Variants in ARFGEF1 observed in about 807,000 individuals in gnomAD.
ARFGEF1 encodes the protein ARF guanine nucleotide exchange factor 1.
Under a neutral mutation model 231.0 loss-of-function variants are expected in ARFGEF1, and 42 were observed. The ratio of observed to expected loss-of-function variants is 0.18; its 90% confidence interval spans 0.14 to 0.24. The LOEUF (loss-of-function observed/expected upper bound fraction) is 0.24, where lower values mean the gene tolerates loss of function less well. Among genes scored for constraint, ARFGEF1 ranks in the 10% least tolerant of loss-of-function variants. The pLI, the probability that ARFGEF1 is intolerant of heterozygous loss-of-function variation, is 1.00. For missense variants in ARFGEF1, 1,345 were observed against 2,192.0 expected (o/e 0.61, Z 7.72); for synonymous variants, 710 against 732.3 (o/e 0.97, Z 0.49).
rs780443181 is a variant in ARFGEF1, at chr8:67,199,020, C to G, written c.5464G>C (p.Val1822Leu). The stretch of plus-strand genomic sequence containing the variant: ...ATTCGCAGAAAAAATCTTCTAAGAA[C>G]AGCACGAAGTTCAGGAATCAAGTCA... ...QFDLIPELRA[V>L]LRRFFLRIGV... Residue 1822 changes from valine (V) to leucine (L), a missense_variant, in exon 39 of 39, where the codon GTT becomes CTT. By Grantham distance (32) the Val-to-Leu change is conservative. Around this residue, in one of 14 missense-constraint regions of ARFGEF1, gnomAD observed 161 missense variants for 284.9 expected, o/e 0.57. Coordinates refer to ENST00000262215, the MANE Select transcript of ARFGEF1 (RefSeq NM_006421.5). 5.6e-6 allele frequency: 9 copies of G among 1,612,968 alleles called. No individual in the cohort carries two copies. Among genetic ancestry groups the G allele is most frequent in the Non-Finnish European group, 7.6e-6 (9 of 1,179,776 alleles).
chr8:67,289,560 A>C (rs1805913758), intron 6 of ARFGEF1, among the ~76,000 whole-genome samples: 1 of 146,216 alleles, frequency 6.8e-6, no homozygotes, highest in African/African-American at 2.6e-5. Context: ...AAAAAAAAAA[A>C]AAAAAAAAAA....
At chr8:67,334,448 T>C (rs752100716) in intron 1 of ARFGEF1, among the ~76,000 whole-genome samples, 29 of 152,136 alleles carry the variant, frequency 1.9e-4, no homozygotes, top group Non-Finnish European at 3.5e-4. Flanking sequence ...CAAATATTGG[T>C]GAGAATTTGA....
At chr8:67,329,634 T>G (rs2128932451) in intron 1 of ARFGEF1, among the ~76,000 whole-genome samples, 1 of 151,302 alleles carries the variant, frequency 6.6e-6, no homozygotes, top group African/African-American at 2.4e-5. Flanking sequence ...TTAAGAACAT[T>G]TAATTTCCAA....
At chr8:67,302,032 T>G (rs1214389101) in intron 2 of ARFGEF1, among the ~76,000 whole-genome samples, 1 of 151,938 alleles carries the variant, frequency 6.6e-6, no homozygotes, top group African/African-American at 2.4e-5. Flanking sequence ...TATGGCAGAA[T>G]CCCATCTCTA....
rs563102581 is a variant in ARFGEF1 at position 67,197,959 on chromosome 8, A to G, written c.*975T>C. On this transcript the variant is annotated 3_prime_UTR_variant, in exon 39 of 39. Coordinates refer to ENST00000262215, the MANE Select transcript of ARFGEF1 (RefSeq NM_006421.5). ...TTGTTATTTTAATATATTCAACGTT[A>G]AATTCTGTACATAGAGTAAAATCTA... 6.5e-5 allele frequency: 64 copies of G among 985,852 alleles called. No homozygotes were observed. The South Asian group carries it at 1.6e-3, about 25-fold the overall frequency. 61.1% of individuals were successfully genotyped at this position (985,852 alleles called of 1,614,324 possible). A position where few individuals can be genotyped will look rare whatever the true frequency, so the allele number is the denominator to read the frequency against.
chr8:67,192,066 GTTT>G (rs34907123), intron 5 of ARFGEF1, among the ~76,000 whole-genome samples: 30 of 129,864 alleles, frequency 2.3e-4, no homozygotes, highest in Non-Finnish European at 4.1e-4. Context: ...TTGCTGATTT[GTTT>G]TTTTTTTTGT....
intron 1 of ARFGEF1, among the ~76,000 whole-genome samples, chr8:67,308,389 G>A (rs1468402028): frequency 1.3e-5 from 2 of 152,166 alleles, no homozygotes; most frequent in Non-Finnish European, 2.9e-5. Context: ...GCTACCTAGA[G>A]GTACAAAAGG....
intron 29 of ARFGEF1, 145 bp from the exon 30 acceptor site, chr8:67,219,705 T>G (rs1032805290): frequency 1.2e-6 from 1 of 828,008 alleles, no homozygotes; most frequent in South Asian, 2.5e-5. Context: ...TTTAAAAAAT[T>G]TAAGTTGTAA....
intron 6 of ARFGEF1, among the ~76,000 whole-genome samples, 165 bp from the exon 7 acceptor site, chr8:67,288,230 T>C (rs186976922): frequency 6.6e-6 from 1 of 151,866 alleles, no homozygotes; most frequent in African/African-American, 2.4e-5. Context: ...TCAAAATGTA[T>C]ACCAAAACTT....
At chr8:67,193,732 A>G (rs531744487), downstream of ARFGEF1, 1 of 686,354 alleles carries the variant, frequency 1.5e-6, no homozygotes, top group East Asian at 2.9e-5. Context: ...GTATGGCCCA[A>G]GACATAGTAA....
chr8:67,175,528 A>G, exon 6 of ARFGEF1: 1 of 1,470,886 alleles, frequency 6.8e-7, no homozygotes, highest in Non-Finnish European at 9.4e-7. Context: ...ATTCCCAGGC[A>G]TCCTCCTTTC....
rs374524843 is a variant in ARFGEF1 at position 67,204,635 on chromosome 8, C to T, written c.4959+45G>A. 1.0e-5 allele frequency: 16 copies of T among 1,583,586 alleles called. No individual in the cohort carries two copies. The African/African-American group carries it at 2.0e-4, about 20-fold the overall frequency. Reference sequence around the variant, plus strand: ...CTACAGCCCAGACTGCTATACCTAACTTCCTACTTACACAAAAAAAGCAGC... The same window carrying T: ...CTACAGCCCAGACTGCTATACCTAATTTCCTACTTACACAAAAAAAGCAGC... On this transcript the variant is annotated intron_variant, in intron 35 of 38. Transcript: ENST00000262215.
chr8:67,248,568 T>C (rs1239688149), intron 19 of ARFGEF1, among the ~76,000 whole-genome samples: 2 of 150,498 alleles, frequency 1.3e-5, no homozygotes, highest in African/African-American at 5.0e-5. Context: ...CTCTAGGACA[T>C]TAAGCTGGGC....
At chr8:67,211,043 CAAAA>C (rs112619283) in intron 34 of ARFGEF1, among the ~76,000 whole-genome samples, 1 of 87,970 alleles carries the variant, frequency 1.1e-5, no homozygotes, top group African/African-American at 4.1e-5. Context: ...GACTCCGTCT[CAAAA>C]AAAAAAAAAA....
intron 7 of ARFGEF1, among the ~76,000 whole-genome samples, chr8:67,281,350 T>C (rs921814376): frequency 3.9e-5 from 6 of 151,996 alleles, no homozygotes; most frequent in Non-Finnish European, 8.8e-5. Flanking sequence ...AAAAATCAAC[T>C]GCTACTCCTG....
intron 34 of ARFGEF1, 147 bp from the exon 35 acceptor site, chr8:67,204,966 C>T (rs1490227422): frequency 3.3e-6 from 3 of 916,192 alleles, no homozygotes; most frequent in Admixed American, 5.6e-5. Flanking sequence ...CACACAGGCA[C>T]TACTCAGTAA....
intron 17 of ARFGEF1, among the ~76,000 whole-genome samples, chr8:67,255,145 A>T (rs974929711): frequency 1.3e-5 from 2 of 152,234 alleles, no homozygotes; most frequent in African/African-American, 2.4e-5. Flanking sequence ...TGGGTTAGGG[A>T]TCCCATACGT....
At chr8:67,334,876 A>C (rs1276981410) in intron 1 of ARFGEF1, among the ~76,000 whole-genome samples, 2 of 152,206 alleles carry the variant, frequency 1.3e-5, no homozygotes, top group African/African-American at 4.8e-5. Context: ...AGATTAGTGA[A>C]TGCCAGAAGC....
intron 7 of ARFGEF1, among the ~76,000 whole-genome samples, chr8:67,282,826 T>C (rs1209003361): frequency 6.8e-6 from 1 of 146,662 alleles, no homozygotes; most frequent in Non-Finnish European, 1.5e-5. Context: ...CCAGCCTCGA[T>C]GATAGAGCAA....
Sources: gnomAD v4.1 joint callset for allele counts (sites outside exome capture counted in the v4.1 genomes callset) on GRCh38, gnomAD v4.1.1 for gene constraint, gnomAD v4.1.1 regional missense constraint, MANE v1.5 for transcripts, NCBI Gene and HGNC (gene_info 2026-07-23, HGNC 2026-07-21) for gene names.